Variants in NRXN3 observed in about 807,000 individuals in gnomAD.
NRXN3 encodes neurexin III.
Under a neutral mutation model 137.6 loss-of-function variants are expected in NRXN3, and 32 were observed. The observed-to-expected ratio is 0.23, with a 90% confidence interval of 0.18 to 0.31. NRXN3 has a LOEUF of 0.31. Among genes scored for constraint, NRXN3 ranks in the 10% least tolerant of loss-of-function variants. NRXN3 has a pLI of 1.00. For missense variants in NRXN3, 1,574 were observed against 2,062.5 expected (o/e 0.76, Z 4.59); for synonymous variants, 798 against 784.5 (o/e 1.02, Z -0.29).
In NRXN3 at chr14:79,172,454, G is replaced by A. The variant is rs75782145; in HGVS notation, c.3262+184313G>A. On this transcript the variant is annotated intron_variant, in intron 15 of 20. Coordinates refer to ENST00000335750, the MANE Select transcript of NRXN3 (RefSeq NM_001330195.2). ...GAAAGGGAGAAAGGATGGAAGGTAC[G>A]AAGGAGGGTGAAAAGGAAGGAAGGA... Among the ~76,000 whole-genome samples, 195 of 152,272 alleles carry A rather than the reference G, an allele frequency of 1.3e-3. 2 individuals are homozygous for A. The highest frequency in any genetic ancestry group is 6.0e-3 in the South Asian group (29 of 4,822).
chr14:79,498,725 T>G (rs2096790969), intron 16 of NRXN3, among the ~76,000 whole-genome samples: 1 of 152,176 alleles, frequency 6.6e-6, no homozygotes, highest in African/African-American at 2.4e-5. Context: ...GCCACTCGAG[T>G]CATCTCTTAC....
At chr14:79,597,027 C>G (rs1231198524) in intron 16 of NRXN3, among the ~76,000 whole-genome samples, 2 of 152,158 alleles carry the variant, frequency 1.3e-5, no homozygotes, top group Non-Finnish European at 2.9e-5. Flanking sequence ...GATCCCCTAC[C>G]TGGCAAAGGG....
chr14:79,526,898 C>T (rs1005734923), intron 16 of NRXN3, among the ~76,000 whole-genome samples: 4 of 152,094 alleles, frequency 2.6e-5, no homozygotes, highest in African/African-American at 7.2e-5. Context: ...AGTTAAATTA[C>T]TCAAAATTAA....
At position 78,754,550 on chromosome 14, in the gene NRXN3, T is replaced by G. The variant is rs150246767; in HGVS notation, c.2044+39411T>G. 4.1e-3 allele frequency among the ~76,000 whole-genome samples: 618 copies of G among 152,372 alleles called. 2 individuals are homozygous for G. Among genetic ancestry groups the G allele is most frequent in the Non-Finnish European group, 6.2e-3 (422 of 68,036 alleles). ...TCTTGGAAGCAGTCCCTAACTTCTC[T>G]AACTACATCAAATCCCACTCTTCAG... On this transcript the variant is annotated intron_variant, in intron 8 of 20. Transcript: ENST00000335750.
At position 79,818,737 on chromosome 14, in the gene NRXN3, G is replaced by A. The variant is rs1315125448; in HGVS notation, c.4093+13547G>A. On this transcript the variant is annotated intron_variant, in intron 20 of 20. Coordinates refer to ENST00000335750, the MANE Select transcript of NRXN3 (RefSeq NM_001330195.2). Reference sequence around the variant, plus strand: ...GCCAAAACACACACACACTTTTTGTGGGTCTTTGAGTTTCCTATGCAAGAA... The same window carrying A: ...GCCAAAACACACACACACTTTTTGTAGGTCTTTGAGTTTCCTATGCAAGAA... Among the ~76,000 whole-genome samples the A allele has an allele frequency of 4.6e-5, 7 of 152,116 alleles. No homozygotes were observed. In the South Asian group the frequency reaches 1.2e-3, roughly 27 times the overall value.
At chr14:78,450,057 G>T (rs1336544201) in intron 4 of NRXN3, among the ~76,000 whole-genome samples, 1 of 152,160 alleles carries the variant, frequency 6.6e-6, no homozygotes, top group Non-Finnish European at 1.5e-5. Context: ...CATATGGAAA[G>T]CTCATCAGGA....
chr14:78,442,260 C>T (rs943950682), intron 4 of NRXN3, among the ~76,000 whole-genome samples: 2 of 142,640 alleles, frequency 1.4e-5, no homozygotes, highest in Admixed American at 7.1e-5. Flanking sequence ...GAGGGAGACC[C>T]TGTCACCCCC....
chr14:78,288,916 C>T (rs1254996192), intron 3 of NRXN3, among the ~76,000 whole-genome samples: 1 of 152,198 alleles, frequency 6.6e-6, no homozygotes, highest in Non-Finnish European at 1.5e-5. Flanking sequence ...TCTGTTCAGT[C>T]CAGCCACCTT....
At chr14:79,399,012 A>AAG (rs1163926854) in intron 15 of NRXN3, among the ~76,000 whole-genome samples, 3 of 150,382 alleles carry the variant, frequency 2.0e-5, no homozygotes, top group Non-Finnish European at 3.0e-5. Context: ...CCATCTCAAA[A>AAG]AAAAAAAAAA....
At chr14:79,824,677 T>G (rs961603211) in intron 20 of NRXN3, among the ~76,000 whole-genome samples, 2 of 152,212 alleles carry the variant, frequency 1.3e-5, no homozygotes, top group Non-Finnish European at 2.9e-5. Flanking sequence ...AATATCAGCA[T>G]TAGTAGTGAT....
At chr14:78,574,486 C>G (rs1445914548) in intron 4 of NRXN3, among the ~76,000 whole-genome samples, 2 of 152,372 alleles carry the variant, frequency 1.3e-5, no homozygotes. Flanking sequence ...GAGCCCACCT[C>G]TTGCATCAGC....
rs149659123 is a variant in NRXN3, at chr14:79,601,804, A to G, written c.3445-61974A>G. 4.0e-3 allele frequency among the ~76,000 whole-genome samples: 610 copies of G among 152,312 alleles called. 8 individuals carry two copies. The highest frequency in any genetic ancestry group is 0.014 in the African/African-American group (573 of 41,574). Reference sequence around the variant, plus strand: ...GAGTCAATGTGCCGAAGATCAGGAAAGTGATAGCTCAGGCAAGACTGACAC... The same window carrying G: ...GAGTCAATGTGCCGAAGATCAGGAAGGTGATAGCTCAGGCAAGACTGACAC... On this transcript the variant is annotated intron_variant, in intron 16 of 20. Coordinates refer to ENST00000335750, the MANE Select transcript of NRXN3 (RefSeq NM_001330195.2).
chr14:78,641,921 G>A (rs1299319965), intron 4 of NRXN3, among the ~76,000 whole-genome samples: 2 of 152,160 alleles, frequency 1.3e-5, no homozygotes, highest in Non-Finnish European at 2.9e-5. Context: ...CTACACTGAT[G>A]CCATTTTTTC....
chr14:79,335,039 C>G (rs1374631333), intron 15 of NRXN3, among the ~76,000 whole-genome samples: 1 of 152,120 alleles, frequency 6.6e-6, no homozygotes, highest in Non-Finnish European at 1.5e-5. Context: ...TACCCAGCCT[C>G]CATGTTGCCT....
At chr14:78,716,171 C>G (rs560252944) in intron 8 of NRXN3, among the ~76,000 whole-genome samples, 1 of 152,106 alleles carries the variant, frequency 6.6e-6, no homozygotes, top group African/African-American at 2.4e-5. Flanking sequence ...CATTTGCACC[C>G]GATTTACAGT....
At chr14:78,993,652 G>A (rs2153085333) in intron 15 of NRXN3, among the ~76,000 whole-genome samples, 1 of 152,192 alleles carries the variant, frequency 6.6e-6, no homozygotes, top group African/African-American at 2.4e-5. Context: ...GAATAAGAGA[G>A]TTTTGTTCTC....
rs141358815 is a variant in NRXN3 at position 79,762,149 on chromosome 14, T to TA, written c.4015-42962dup. ...CTCAGCATATTATAATTCTTACTTCTACCATACTCCAGAGGAATCAGTCTG... is the reference window on the plus strand; with the variant it reads ...CTCAGCATATTATAATTCTTACTTCTAACCATACTCCAGAGGAATCAGTCTG... On this transcript the variant is annotated intron_variant, in intron 19 of 20. Coordinates refer to ENST00000335750, the MANE Select transcript of NRXN3 (RefSeq NM_001330195.2). 1.4e-3 allele frequency among the ~76,000 whole-genome samples: 218 copies of TA among 151,750 alleles called. 3 individuals are homozygous for TA. Among genetic ancestry groups the TA allele is most frequent in the African/African-American group, 5.2e-3 (215 of 41,036 alleles).
chr14:79,758,070 T>C (rs1026096388), intron 19 of NRXN3, among the ~76,000 whole-genome samples: 3 of 152,200 alleles, frequency 2.0e-5, no homozygotes, highest in Admixed American at 6.5e-5. Flanking sequence ...TATTTTTGTT[T>C]TTTACAGGAA....
chr14:79,583,575 G>A (rs183423863), intron 16 of NRXN3, among the ~76,000 whole-genome samples: 53 of 152,158 alleles, frequency 3.5e-4, no homozygotes, highest in African/African-American at 1.1e-3. Context: ...GCATAGCAAC[G>A]TCCATGGGAA....
Sources: allele counts gnomAD v4.1 joint callset (sites outside exome capture counted in the v4.1 genomes callset), GRCh38; gene constraint gnomAD v4.1.1; transcripts MANE v1.5; gene names NCBI Gene and HGNC (gene_info 2026-07-23, HGNC 2026-07-21).